KPRP: variants seen among roughly 807,000 people sequenced by gnomAD.
KPRP encodes the protein keratinocyte proline-rich protein.
For synonymous variants in KPRP, 282 were observed against 276.9 expected (o/e 1.02, Z -0.18); for missense variants, 820 against 746.4 (o/e 1.10, Z -1.15).
At chr1:152,760,267 T>C in exon 1 of KPRP, 1 of 1,614,154 alleles carries the variant, frequency 6.2e-7, no homozygotes, top group Non-Finnish European at 8.5e-7. Flanking sequence ...CCGGACTTCA[T>C]TTAGTCCCTG....
At chr1:152,759,434 C>T (rs1403160050), upstream of KPRP, 84 of 1,312,080 alleles carry the variant, frequency 6.4e-5, 2 homozygotes, top group Admixed American at 2.3e-3. Flanking sequence ...CGAACTAAGT[C>T]AGGACACTTG....
At position 152,759,688 on chromosome 1, in the gene KPRP, C is replaced by T; in HGVS notation, c.100C>T (p.Gln34Ter). The T allele has an allele frequency of 6.2e-7, 1 of 1,614,156 alleles. No homozygotes were observed. The highest frequency in any genetic ancestry group is 8.5e-7 in the Non-Finnish European group (1 of 1,180,024). Reference sequence around the variant, plus strand: ...CTCTCAATCCCCCTTTGCCCAGAGCCAAGTGGTGGTTCAAGCCCCTTGTGA... The same window carrying T: ...CTCTCAATCCCCCTTTGCCCAGAGCTAAGTGGTGGTTCAAGCCCCTTGTGA... The change falls in exon 1 of 1, where the codon CAA becomes TAA. Residue 34 changes from glutamine to a stop codon, truncating the protein, a stop_gained. Transcript: ENST00000606109. LOFTEE classifies it low-confidence loss of function (END_TRUNC).
exon 1 of KPRP, chr1:152,761,996 A>G (rs893764410): frequency 1.2e-5 from 2 of 167,234 alleles, no homozygotes; most frequent in African/African-American, 2.4e-5. Flanking sequence ...CTGATGCTCA[A>G]CTGCAGGAAC....
At chr1:152,759,673 C>T in exon 1 of KPRP, 2 of 1,614,170 alleles carry the variant, frequency 1.2e-6, no homozygotes, top group Non-Finnish European at 1.7e-6. Flanking sequence ...CTCTCAATCC[C>T]CCTTTGCCCA....
upstream of KPRP, among the ~76,000 whole-genome samples, chr1:152,759,175 C>T (rs1390320949): frequency 6.6e-6 from 1 of 152,206 alleles, no homozygotes; most frequent in East Asian, 1.9e-4. Context: ...TAAATCCAAG[C>T]TCCTGTGGGA....
rs148403795 is a variant in KPRP, at chr1:152,761,749, C to A, written c.*421C>A. The A allele has an allele frequency of 1.5e-4, 29 of 190,668 alleles. No individual in the cohort carries two copies. In the East Asian group the frequency reaches 4.4e-3, roughly 29 times the overall value. The allele number at this position is 190,668 out of a possible 1,614,324, so 11.8% of individuals were successfully genotyped here. A position where few individuals can be genotyped will look rare whatever the true frequency, so the allele number is the denominator to read the frequency against. Reference sequence around the variant, plus strand: ...AGCCTTCTTTGCTTGTTCCCACTCACAAGAACCTGTGCCGACTTCCTAGAA... The same window carrying A: ...AGCCTTCTTTGCTTGTTCCCACTCAAAAGAACCTGTGCCGACTTCCTAGAA... On this transcript the variant is annotated 3_prime_UTR_variant, in exon 1 of 1. Coordinates refer to ENST00000606109, the Ensembl canonical transcript of KPRP.
upstream of KPRP, chr1:152,759,433 T>C (rs2101561226): frequency 7.7e-7 from 1 of 1,306,814 alleles, no homozygotes; most frequent in East Asian, 2.5e-5. Flanking sequence ...TCGAACTAAG[T>C]CAGGACACTT....
chr1:152,760,565 G>C (rs1175728082), exon 1 of KPRP: 2 of 1,609,574 alleles, frequency 1.2e-6, no homozygotes, highest in Non-Finnish European at 1.7e-6. Context: ...CCCAAGTGCC[G>C]AATCGAGATT....
exon 1 of KPRP, chr1:152,760,933 C>T: frequency 6.2e-7 from 1 of 1,613,268 alleles, no homozygotes; most frequent in South Asian, 1.1e-5. Context: ...GCCAGTTCCC[C>T]TTCCTCGCCC....
chr1:152,761,060 G>T (rs1438891993), exon 1 of KPRP: 1 of 1,613,824 alleles, frequency 6.2e-7, no homozygotes, highest in African/African-American at 1.3e-5. Flanking sequence ...CCGGAGCCCT[G>T]CAGGGAGACT....
At chr1:152,760,913 C>T in exon 1 of KPRP, 1 of 1,613,938 alleles carries the variant, frequency 6.2e-7, no homozygotes, top group African/African-American at 1.3e-5. Context: ...GCACTACGTC[C>T]AACACCGCGG....
upstream of KPRP, among the ~76,000 whole-genome samples, chr1:152,759,128 T>C (rs78699479): frequency 6.7e-3 from 1,017 of 152,344 alleles, 8 homozygotes; most frequent in African/African-American, 0.02. Flanking sequence ...CTTACATGTT[T>C]GCACATTTAT....
chr1:152,760,329 C>A, exon 1 of KPRP: 1 of 1,614,186 alleles, frequency 6.2e-7, no homozygotes, highest in Non-Finnish European at 8.5e-7. Flanking sequence ...CTGAACAGCA[C>A]CGCTCTCGGA....
upstream of KPRP, among the ~76,000 whole-genome samples, chr1:152,759,243 T>C (rs150064280): frequency 8.5e-5 from 13 of 152,344 alleles, no homozygotes; most frequent in East Asian, 1.9e-3. Flanking sequence ...CTACTTCCTG[T>C]AGGGCTGCTC....
chr1:152,761,418 C>T (rs1345124451), exon 1 of KPRP: 1 of 1,486,246 alleles, frequency 6.7e-7, no homozygotes, highest in Non-Finnish European at 8.9e-7. Flanking sequence ...GTTTGAATCT[C>T]TCCAAAGATA....
At chr1:152,760,271 G>A (rs1402018291) in exon 1 of KPRP, 3 of 1,614,062 alleles carry the variant, frequency 1.9e-6, no homozygotes, top group East Asian at 2.2e-5. Flanking sequence ...ACTTCATTTA[G>A]TCCCTGTGTG....
At chr1:152,759,518 T>C, upstream of KPRP, 2 of 1,540,630 alleles carry the variant, frequency 1.3e-6, no homozygotes. Context: ...TGGCACCCCC[T>C]CTCCAACTCT....
exon 1 of KPRP, chr1:152,761,020 C>T: frequency 6.2e-7 from 1 of 1,611,886 alleles, no homozygotes; most frequent in East Asian, 2.2e-5. Flanking sequence ...ACGACCAGAG[C>T]CAATTCCCCT....
At chr1:152,759,734 C>T in exon 1 of KPRP, 1 of 1,614,200 alleles carries the variant, frequency 6.2e-7, no homozygotes, top group Non-Finnish European at 8.5e-7. Flanking sequence ...GTGGACTGCC[C>T]TGCATCATGC....
Sources: allele counts gnomAD v4.1 joint callset (sites outside exome capture counted in the v4.1 genomes callset), GRCh38; gene constraint gnomAD v4.1.1; transcripts MANE v1.5; gene names NCBI Gene and HGNC (gene_info 2026-07-23, HGNC 2026-07-21).